MEX3C: variants seen among roughly 807,000 people sequenced by gnomAD.
MEX3C encodes the protein mex-3 RNA binding family member C.
MEX3C carries 15 observed loss-of-function variants against 35.5 expected under a neutral mutation model. The observed-to-expected ratio is 0.42, with a 90% CI of 0.28 to 0.65. MEX3C has a LOEUF of 0.65. Among genes scored for constraint, MEX3C ranks in the 30% least tolerant of loss-of-function variants. The pLI is 0.20. For missense variants in MEX3C, 711 were observed against 842.8 expected (o/e 0.84, Z 1.94); for synonymous variants, 390 against 352.8 (o/e 1.11, Z -1.18).
chr18:51,192,081 C>T (rs2144557805), intron 1 of MEX3C, among the ~76,000 whole-genome samples: 1 of 152,174 alleles, frequency 6.6e-6, no homozygotes, highest in South Asian at 2.1e-4. Flanking sequence ...TGTAAAGAAC[C>T]ACCTAGAATT....
chr18:51,177,190 C>G lies in MEX3C; in HGVS notation c.1141G>C (p.Asp381His), dbSNP rs186705362. ...FEVTGMPENV[D>H]RAREEIEMHI... ...ATTTCTATTTCTTCCCGTGCTCGGTCAACATTTTCAGGCATCCCTGTCACT... is the reference window on the plus strand; with the variant it reads ...ATTTCTATTTCTTCCCGTGCTCGGTGAACATTTTCAGGCATCCCTGTCACT... The change falls in exon 2 of 2, where the codon GAC becomes CAC. Residue 381 changes from aspartate to histidine, a missense_variant. Physicochemically the swap from Asp to His is moderately conservative, Grantham distance 81. Around this residue, in one of 4 missense-constraint regions of MEX3C, gnomAD observed 187 missense variants for 201.7 expected, o/e 0.93. Coordinates refer to ENST00000406189, the MANE Select transcript of MEX3C (RefSeq NM_016626.5). The surrounding 1 kb of genome is among the most constrained non-coding windows in gnomAD (Gnocchi z 4.2). The G allele has an allele frequency of 6.2e-7, 1 of 1,613,746 alleles. No individual in the cohort carries two copies. Among genetic ancestry groups the G allele is most frequent in the East Asian group, 2.2e-5 (1 of 44,890 alleles).
At position 51,174,747 on chromosome 18, in the gene MEX3C, T is replaced by C. The variant is rs1328061292; in HGVS notation, c.*1604A>G. 6.6e-6 allele frequency: 1 copy of C among 152,616 alleles called. No individual in the cohort carries two copies. Among genetic ancestry groups the C allele is most frequent in the Non-Finnish European group, 1.5e-5 (1 of 68,032 alleles). The allele number at this position is 152,616 out of a possible 1,614,324, so 9.5% of individuals were successfully genotyped here. A position where few individuals can be genotyped will look rare whatever the true frequency, so the allele number is the denominator to read the frequency against. On this transcript the variant is annotated 3_prime_UTR_variant, in exon 2 of 2. Coordinates refer to ENST00000406189, the MANE Select transcript of MEX3C (RefSeq NM_016626.5). Reference sequence around the variant, plus strand: ...TCCCTATGACTTCCCTACATATACATAACAAAAGAGTGTAGTAAAATTAGC... The same window carrying C: ...TCCCTATGACTTCCCTACATATACACAACAAAAGAGTGTAGTAAAATTAGC...
Position 51,177,168 on chromosome 18 carries a change from T to G in MEX3C, c.1163A>C (p.Glu388Ala). 1.2e-6 allele frequency: 2 copies of G among 1,613,706 alleles called. No individual in the cohort carries two copies. ...ENVDRAREEI[E>A]MHIAMRTGNY... ...TCCTGTACGCATGGCAATATGCATT[T>G]CTATTTCTTCCCGTGCTCGGTCAAC... The change falls in exon 2 of 2, where the codon GAA (glutamate) becomes GCA (alanine). Residue 388 changes from glutamate (E) to alanine (A), a missense_variant. Glu to Ala is a moderately radical substitution (Grantham distance 107, BLOSUM62 -1). This residue lies in a region of MEX3C where 187 missense variants were observed against 201.7 expected (regional missense o/e 0.93). Coordinates refer to ENST00000406189, the MANE Select transcript of MEX3C (RefSeq NM_016626.5). This position sits in a 1 kb window ranked among gnomAD's most constrained non-coding sequence, Gnocchi z 4.2.
chr18:51,182,981 G>A (rs1912462324), intron 1 of MEX3C, among the ~76,000 whole-genome samples: 1 of 152,214 alleles, frequency 6.6e-6, no homozygotes, highest in Non-Finnish European at 1.5e-5. Flanking sequence ...ATTAACACAT[G>A]TGAAATGATG....
chr18:51,196,894 G>A lies in MEX3C; in HGVS notation c.427C>T (p.Leu143=). Reference sequence around the variant, plus strand: ...GCGGTGGCCGCGGGCGGCGACAGCAGCAGCAGCGACGACCGGTCCTCCTCC... The same window carrying A: ...GCGGTGGCCGCGGGCGGCGACAGCAACAGCAGCGACGACCGGTCCTCCTCC... The part of the protein sequence containing the change: ...AEEEDRSSLL[L]LSPPAATASQ... Residue 143 remains leucine (L), a synonymous_variant, in exon 1 of 2, where the codon CTG becomes TTG. Transcript: ENST00000406189. 1 of 1,541,816 alleles carries A rather than the reference G, an allele frequency of 6.5e-7. No homozygotes were observed. The highest frequency in any genetic ancestry group is 8.7e-7 in the Non-Finnish European group (1 of 1,145,952).
intron 1 of MEX3C, among the ~76,000 whole-genome samples, chr18:51,192,393 A>C (rs1412988430): frequency 6.6e-6 from 1 of 152,176 alleles, no homozygotes; most frequent in Non-Finnish European, 1.5e-5. Flanking sequence ...TAAATTTTAA[A>C]GCCTAGAAAA....
At chr18:51,191,959 A>G (rs1912660476) in intron 1 of MEX3C, among the ~76,000 whole-genome samples, 1 of 152,222 alleles carries the variant, frequency 6.6e-6, no homozygotes, top group South Asian at 2.1e-4. Context: ...CGATATTAAA[A>G]TACACATACT....
rs1912275048 is a variant in MEX3C, at chr18:51,175,304, A to G, written c.*1047T>C. ...TGAAGTTATAGACATCCACAGGTGA[A>G]ATGTACGAGTATATTTTAAATAAAT... On this transcript the variant is annotated 3_prime_UTR_variant, in exon 2 of 2. Coordinates refer to ENST00000406189, the MANE Select transcript of MEX3C (RefSeq NM_016626.5). 6.6e-6 allele frequency: 1 copy of G among 152,632 alleles called. No homozygotes were observed. Among genetic ancestry groups the G allele is most frequent in the Non-Finnish European group, 1.5e-5 (1 of 68,030 alleles). 9.5% of individuals were successfully genotyped at this position (152,632 alleles called of 1,614,324 possible).
rs184339910 is a variant in MEX3C at position 51,177,813 on chromosome 18, C to T, written c.755-237G>A. 6.6e-4 allele frequency among the ~76,000 whole-genome samples: 100 copies of T among 152,332 alleles called. No individual in the cohort carries two copies. Among genetic ancestry groups the T allele is most frequent in the African/African-American group, 2.2e-3 (93 of 41,586 alleles). On this transcript the variant is annotated intron_variant, in intron 1 of 1. Transcript: ENST00000406189. This position sits in a 1 kb window ranked among gnomAD's most constrained non-coding sequence, Gnocchi z 4.2. ...CAATTATCTGACAGAAGTTATTAAA[C>T]TGACTTCCACCTAATTATCTTACCA...
chr18:51,186,736 G>C (rs567537108), intron 1 of MEX3C, among the ~76,000 whole-genome samples: 8 of 152,304 alleles, frequency 5.3e-5, no homozygotes, highest in Admixed American at 2.0e-4. Context: ...AGGACAGAAT[G>C]CAAGGCTGGG....
chr18:51,196,557 C>A lies in MEX3C; in HGVS notation c.754+10G>T. On this transcript the variant is annotated intron_variant, in intron 1 of 1. Transcript: ENST00000406189. ...CATGCCCAGCTGGACCTCCCCACCC[C>A]TGCACTCACCCTGGCGGCCGACGAT... The A allele has an allele frequency of 6.4e-7, 1 of 1,572,058 alleles. No individual in the cohort carries two copies.
In MEX3C at chr18:51,174,922, A is replaced by G. The variant is rs1330594140; in HGVS notation, c.*1429T>C. 6.5e-6 allele frequency: 1 copy of G among 152,672 alleles called. No homozygotes were observed. Among genetic ancestry groups the G allele is most frequent in the Non-Finnish European group, 1.5e-5 (1 of 68,042 alleles). The allele number at this position is 152,672 out of a possible 1,614,324, so 9.5% of individuals were successfully genotyped here. A position where few individuals can be genotyped will look rare whatever the true frequency, so the allele number is the denominator to read the frequency against. ...ATACATGCTTGGTGAACATTCGTTCATATCTACAAGACGGCAGCTAGAGAT... is the reference window on the plus strand; with the variant it reads ...ATACATGCTTGGTGAACATTCGTTCGTATCTACAAGACGGCAGCTAGAGAT... On this transcript the variant is annotated 3_prime_UTR_variant, in exon 2 of 2. Transcript: ENST00000406189.
chr18:51,191,352 C>G (rs1912645060), intron 1 of MEX3C, among the ~76,000 whole-genome samples: 1 of 152,154 alleles, frequency 6.6e-6, no homozygotes, highest in Admixed American at 6.5e-5. Context: ...CTTTCATCTT[C>G]TGGCACAACA....
At position 51,197,135 on chromosome 18, in the gene MEX3C, C is replaced by T. The variant is rs1270528368; in HGVS notation, c.186G>A (p.Pro62=). 2 of 1,086,962 alleles carry T rather than the reference C, an allele frequency of 1.8e-6. No homozygotes were observed. Among genetic ancestry groups the T allele is most frequent in the Non-Finnish European group, 2.2e-6 (2 of 900,280 alleles). The allele number at this position is 1,086,962 out of a possible 1,614,324, so 67.3% of individuals were successfully genotyped here. ...GAAGCGCCGGGGCGCCGGGCTCCGCCGGGCTGGGGTCGTCGAGGCCTAGCG... is the reference window on the plus strand; with the variant it reads ...GAAGCGCCGGGGCGCCGGGCTCCGCTGGGCTGGGGTCGTCGAGGCCTAGCG... ...LAALGLDDPS[P]AEPGAPALRA... The change falls in exon 1 of 2, where the codon CCG becomes CCA. Residue 62 remains proline, a synonymous_variant. Transcript: ENST00000406189.
At chr18:51,188,425 C>A (rs1421373556) in intron 1 of MEX3C, among the ~76,000 whole-genome samples, 3 of 151,932 alleles carry the variant, frequency 2.0e-5, no homozygotes, top group Admixed American at 6.6e-5. Context: ...CCAGCCTGGG[C>A]AACATAGTAA....
chr18:51,197,216 GGGCGGCGGCAGAGGCGGCGGTGGCGGC>G lies in MEX3C; in HGVS notation c.78_104del (p.Pro27_Pro35del). 1 of 1,005,664 alleles carries G rather than the reference GGGCGGCGGCAGAGGCGGCGGTGGCGGC, an allele frequency of 9.9e-7. No individual in the cohort carries two copies. The highest frequency in any genetic ancestry group is 1.2e-6 in the Non-Finnish European group (1 of 845,690). 62.3% of individuals were successfully genotyped at this position (1,005,664 alleles called of 1,614,324 possible). On this transcript the variant is annotated inframe_deletion, in exon 1 of 2. Coordinates refer to ENST00000406189, the MANE Select transcript of MEX3C (RefSeq NM_016626.5). ...CCCCCTCGAGCTCCGGGCCGCCCGA[GGGCGGCGGCAGAGGCGGCGGTGGCGGC>G]GGCGGCGGCGGGGGCGGCTGCGGCA...
In MEX3C at chr18:51,174,976, C is replaced by G. The variant is rs993771095; in HGVS notation, c.*1375G>C. The G allele has an allele frequency of 3.3e-5, 5 of 152,520 alleles. No homozygotes were observed. Among genetic ancestry groups the G allele is most frequent in the Admixed American group, 6.6e-5 (1 of 15,258 alleles). 9.4% of individuals were successfully genotyped at this position (152,520 alleles called of 1,614,324 possible). A position where few individuals can be genotyped will look rare whatever the true frequency, so the allele number is the denominator to read the frequency against. ...GTTTCAATACTGACCATTTACTATC[C>G]TACAAGCAATTAGCATTACATCATA... On this transcript the variant is annotated 3_prime_UTR_variant, in exon 2 of 2. Transcript: ENST00000406189.
At chr18:51,183,534 G>A (rs1912472474) in intron 1 of MEX3C, among the ~76,000 whole-genome samples, 1 of 152,202 alleles carries the variant, frequency 6.6e-6, no homozygotes, top group Non-Finnish European at 1.5e-5. Context: ...GGCCTAGTAT[G>A]TACACATACT....
chr18:51,192,367 C>G (rs1202295913), intron 1 of MEX3C, among the ~76,000 whole-genome samples: 1 of 152,010 alleles, frequency 6.6e-6, no homozygotes, highest in African/African-American at 2.4e-5. Flanking sequence ...TAATACAAAC[C>G]ATTATTAACG....
Sources: gnomAD v4.1 joint callset for allele counts (sites outside exome capture counted in the v4.1 genomes callset) on GRCh38, gnomAD v4.1.1 for gene constraint, gnomAD v4.1.1 regional missense constraint, Gnocchi (gnomAD v3.1) non-coding constraint, MANE v1.5 for transcripts, NCBI Gene and HGNC (gene_info 2026-07-23, HGNC 2026-07-21) for gene names.